Variants in MTARC1 observed in about 807,000 individuals in gnomAD.
The protein encoded by MTARC1 is mitochondrial amidoxime-reducing component 1.
MTARC1 carries 24 observed loss-of-function variants against 33.6 expected under a neutral mutation model. That is an observed-to-expected ratio of 0.72 (90% CI 0.52 to 1.01). The LOEUF is 1.01. Ranked by LOEUF, MTARC1 falls within the 50% of genes least tolerant of loss-of-function variation. The pLI, the probability that MTARC1 is intolerant of heterozygous loss-of-function variation, is 0.00. For missense variants in MTARC1, 417 were observed against 445.7 expected (o/e 0.94, Z 0.58); for synonymous variants, 187 against 189.5 (o/e 0.99, Z 0.11).
At chr1:220,792,652 GA>G (rs60569026) in intron 2 of MTARC1, among the ~76,000 whole-genome samples, 32,572 of 117,216 alleles carry the variant, frequency 0.28, 3,935 homozygotes, top group East Asian at 0.48. Flanking sequence ...GAAATACCAA[GA>G]AAAAAAAAAA....
chr1:220,808,772 T>G, intron 6 of MTARC1: 1 of 468,702 alleles, frequency 2.1e-6, no homozygotes, highest in Non-Finnish European at 4.4e-6. Flanking sequence ...AGCCTTTGTC[T>G]GTAAAATGCT....
intron 6 of MTARC1, 101 bp from the exon 7 acceptor site, chr1:220,813,191 G>C (rs1361187914): frequency 3.3e-6 from 5 of 1,512,938 alleles, no homozygotes; most frequent in Admixed American, 3.4e-5. Context: ...GTGCCCTCTC[G>C]AGCTGTGCGT....
chr1:220,799,178 C>T lies in MTARC1; in HGVS notation c.753+1164C>T, dbSNP rs963935219. The T allele has an allele frequency of 4.8e-5, 47 of 984,358 alleles. No homozygotes were observed. The South Asian group carries it at 6.6e-4, about 14-fold the overall frequency. 61.0% of individuals were successfully genotyped at this position (984,358 alleles called of 1,614,324 possible). Reference sequence around the variant, plus strand: ...CAATCGATGGAGGATAATAAAAGTACGCCCAAATCCACTGCTAATGCTTCA... The same window carrying T: ...CAATCGATGGAGGATAATAAAAGTATGCCCAAATCCACTGCTAATGCTTCA... On this transcript the variant is annotated intron_variant, in intron 4 of 6. Coordinates refer to ENST00000366910, the MANE Select transcript of MTARC1 (RefSeq NM_022746.4).
At chr1:220,792,694 T>G (rs1217148951) in intron 2 of MTARC1, among the ~76,000 whole-genome samples, 1 of 151,664 alleles carries the variant, frequency 6.6e-6, no homozygotes, top group Non-Finnish European at 1.5e-5. Flanking sequence ...TGATAACTAA[T>G]TAATATTGCA....
chr1:220,797,500 T>C (rs1672658617), intron 3 of MTARC1, among the ~76,000 whole-genome samples: 1 of 152,214 alleles, frequency 6.6e-6, no homozygotes, highest in South Asian at 2.1e-4. Flanking sequence ...TTGCATAAAA[T>C]AAGTATTCAT....
At chr1:220,791,252 A>G in intron 1 of MTARC1, 1 of 385,044 alleles carries the variant, frequency 2.6e-6, no homozygotes, top group South Asian at 6.8e-5. Context: ...CAAAGAGCTC[A>G]AACTGTTCTC....
At chr1:220,789,559 C>T (rs1672359424) in intron 1 of MTARC1, among the ~76,000 whole-genome samples, 1 of 152,146 alleles carries the variant, frequency 6.6e-6, no homozygotes. Flanking sequence ...AAGGTATTTA[C>T]CAAAAGGAAC....
chr1:220,787,015 G>T lies in MTARC1; in HGVS notation c.71G>T (p.Gly24Val). 1 of 1,317,430 alleles carries T rather than the reference G, an allele frequency of 7.6e-7. No homozygotes were observed. Among genetic ancestry groups the T allele is most frequent in the South Asian group, 2.4e-5 (1 of 41,684 alleles). The allele number at this position is 1,317,430 out of a possible 1,614,324, so 81.6% of individuals were successfully genotyped here. A position where few individuals can be genotyped will look rare whatever the true frequency, so the allele number is the denominator to read the frequency against. The part of the protein sequence containing the change: ...LLAQSRPGWL[G>V]VAALGLTAVA... The stretch of plus-strand genomic sequence containing the variant: ...GCGCAATCCCGGCCCGGGTGGCTCG[G>T]GGTTGCCGCGCTGGGCCTGACCGCG... The change falls in exon 1 of 7, where the codon GGG (glycine) becomes GTG (valine). Residue 24 changes from glycine (G) to valine (V), a missense_variant. Coordinates refer to ENST00000366910, the MANE Select transcript of MTARC1 (RefSeq NM_022746.4).
intron 2 of MTARC1, among the ~76,000 whole-genome samples, chr1:220,796,014 C>T (rs992796056): frequency 7.9e-5 from 12 of 152,192 alleles, no homozygotes; most frequent in South Asian, 2.1e-4. Flanking sequence ...ATTCATATAA[C>T]GCCAAACAGC....
chr1:220,808,725 C>T (rs994305856), intron 6 of MTARC1: 4 of 429,972 alleles, frequency 9.3e-6, no homozygotes, highest in Middle Eastern at 3.5e-4. Context: ...CGCGGTGGTA[C>T]AGCAGTGGGA....
chr1:220,802,013 A>T (rs1672827559), intron 4 of MTARC1, among the ~76,000 whole-genome samples: 3 of 151,934 alleles, frequency 2.0e-5, no homozygotes, highest in Middle Eastern at 3.4e-3. Context: ...AGTCACCACC[A>T]CCCCGCTCTG....
At position 220,813,388 on chromosome 1, in the gene MTARC1, G is replaced by A. The variant is rs1673199506; in HGVS notation, c.984G>A (p.Val328=). ...FVLENPGTIK[V]GDPVYLLGQ The stretch of plus-strand genomic sequence containing the variant: ...TGGAAAACCCAGGGACCATCAAAGT[G>A]GGAGACCCTGTGTACCTGCTGGGCC... Residue 328 remains valine, a synonymous_variant, in exon 7 of 7, where the codon GTG becomes GTA. Transcript: ENST00000366910. 1.2e-6 allele frequency: 2 copies of A among 1,614,036 alleles called. No homozygotes were observed. The highest frequency in any genetic ancestry group is 1.7e-6 in the Non-Finnish European group (2 of 1,180,034).
At chr1:220,812,454 GTTA>G (rs1673164215) in intron 6 of MTARC1, among the ~76,000 whole-genome samples, 1 of 152,226 alleles carries the variant, frequency 6.6e-6, no homozygotes, top group Non-Finnish European at 1.5e-5. Flanking sequence ...TGGTTAAGAA[GTTA>G]TTATGATAGT....
At chr1:220,790,650 C>A (rs1257776096) in intron 1 of MTARC1, among the ~76,000 whole-genome samples, 1 of 152,196 alleles carries the variant, frequency 6.6e-6, no homozygotes, top group Non-Finnish European at 1.5e-5. Flanking sequence ...ACCTAAAGTA[C>A]CGGCCATATT....
chr1:220,788,863 C>G (rs995693218), intron 1 of MTARC1, among the ~76,000 whole-genome samples: 1 of 151,996 alleles, frequency 6.6e-6, no homozygotes, highest in South Asian at 2.1e-4. Context: ...TTGTAGGCCC[C>G]AGAGGCAAAG....
In MTARC1 at chr1:220,817,829, C is replaced by T. The variant is rs7514450; in HGVS notation, c.*4411C>T. 0.35 allele frequency: 53,912 copies of T among 151,930 alleles called. 10,097 individuals are homozygous for T. The highest frequency in any genetic ancestry group is 0.41 in the Non-Finnish European group (27,988 of 67,992). The allele number at this position is 151,930 out of a possible 1,614,324, so 9.4% of individuals were successfully genotyped here. ...CGAACTCTTGATCTCGTGATCTGCC[C>T]GCCTCGGCCTCCCAAAGTGCTGGGA... On this transcript the variant is annotated 3_prime_UTR_variant, in exon 7 of 7. Coordinates refer to ENST00000366910, the MANE Select transcript of MTARC1 (RefSeq NM_022746.4).
At position 220,813,407 on chromosome 1, in the gene MTARC1, C is replaced by T. The variant is rs148999673; in HGVS notation, c.1003C>T (p.Leu335=). Residue 335 remains leucine (L), a synonymous_variant, in exon 7 of 7, where the codon CTG becomes TTG. Coordinates refer to ENST00000366910, the MANE Select transcript of MTARC1 (RefSeq NM_022746.4). The stretch of plus-strand genomic sequence containing the variant: ...CAAAGTGGGAGACCCTGTGTACCTG[C>T]TGGGCCAGTAATGGGAACCGTATGT... ...TIKVGDPVYL[L]GQ The T allele has an allele frequency of 2.0e-4, 321 of 1,614,148 alleles. 1 individual carries two copies. In the Middle Eastern group the frequency reaches 4.6e-3, roughly 23 times the overall value.
chr1:220,809,894 C>G (rs1484810820), intron 6 of MTARC1, among the ~76,000 whole-genome samples: 1 of 152,178 alleles, frequency 6.6e-6, no homozygotes, highest in Non-Finnish European at 1.5e-5. Context: ...GTGGTGGGAT[C>G]GGGCAGTGAC....
chr1:220,806,871 G>A (rs1672987815), intron 6 of MTARC1, among the ~76,000 whole-genome samples: 1 of 152,182 alleles, frequency 6.6e-6, no homozygotes, highest in Non-Finnish European at 1.5e-5. Flanking sequence ...AGTCAAACAG[G>A]GTGGGTGGAG....
Sources: gnomAD v4.1 joint callset for allele counts (sites outside exome capture counted in the v4.1 genomes callset) on GRCh38, gnomAD v4.1.1 for gene constraint, MANE v1.5 for transcripts, NCBI Gene and HGNC (gene_info 2026-07-23, HGNC 2026-07-21) for gene names.